Variants in COX11 observed in about 807,000 individuals in gnomAD.
The protein encoded by COX11 is cytochrome c oxidase assembly protein COX11, mitochondrial.
Under a neutral mutation model 29.4 loss-of-function variants are expected in COX11, and 18 were observed. The ratio of observed to expected loss-of-function variants is 0.61; its 90% CI spans 0.42 to 0.91. The LOEUF (loss-of-function observed/expected upper bound fraction) is 0.91, where lower values mean the gene tolerates loss of function less well. Ranked by LOEUF, COX11 falls within the 40% of genes least tolerant of loss-of-function variation. COX11 has a pLI of 0.00. For missense variants in COX11, 312 were observed against 346.0 expected (o/e 0.90, Z 0.78); for synonymous variants, 131 against 124.0 (o/e 1.06, Z -0.38).
downstream of COX11, among the ~76,000 whole-genome samples, chr17:54,958,696 C>T (rs895088914): frequency 7.5e-6 from 1 of 132,570 alleles, no homozygotes; most frequent in African/African-American, 2.8e-5. Flanking sequence ...CACTATTGCA[C>T]TCTAGCGTGG....
At position 54,961,296 on chromosome 17, in the gene COX11, CTG is replaced by C. The variant is rs1188736757; in HGVS notation, c.*1435_*1436del. 11 of 1,551,594 alleles carry C rather than the reference CTG, an allele frequency of 7.1e-6. No homozygotes were observed. The Admixed American group carries it at 7.8e-5, about 11-fold the overall frequency. On this transcript the variant is annotated 3_prime_UTR_variant, in exon 4 of 4. Transcript: ENST00000299335. ...GTGCCAACTCTCTAAAACGTAGACT[CTG>C]TGCAGCTTTGAAGCCTGGAAGACAA...
chr17:54,957,519 G>A (rs1452342035), downstream of COX11: 3 of 152,202 alleles, frequency 2.0e-5, no homozygotes, highest in Non-Finnish European at 4.4e-5. Context: ...CACAGATACT[G>A]GCGGTGGGAG....
chr17:54,968,216 C>T, intron 1 of COX11, 65 bp downstream of exon 1: 1 of 1,560,672 alleles, frequency 6.4e-7, no homozygotes, highest in Non-Finnish European at 8.6e-7. Flanking sequence ...GGGCTTGTCC[C>T]GGGATTTGTC....
At chr17:54,955,408 C>G (rs1010117772), upstream of COX11, among the ~76,000 whole-genome samples, 10 of 152,250 alleles carry the variant, frequency 6.6e-5, no homozygotes, top group African/African-American at 2.2e-4. Context: ...CATTCTGGTT[C>G]CAGGGATCAT....
downstream of COX11, among the ~76,000 whole-genome samples, chr17:54,956,472 A>T (rs371780762): frequency 2.0e-5 from 3 of 151,754 alleles, no homozygotes; most frequent in African/African-American, 7.3e-5. Context: ...CGCCTGGCTA[A>T]TTTTTTTGTA....
chr17:54,967,395 C>G (rs955478595), intron 1 of COX11, among the ~76,000 whole-genome samples: 7 of 152,120 alleles, frequency 4.6e-5, no homozygotes, highest in Non-Finnish European at 8.8e-5. Context: ...ATCCCTGGAA[C>G]GTGTATTTAA....
Position 54,968,652 on chromosome 17 carries a change from T to A in COX11, c.-6A>T. 1.2e-6 allele frequency: 2 copies of A among 1,607,262 alleles called. No individual in the cohort carries two copies. The highest frequency in any genetic ancestry group is 1.7e-6 in the Non-Finnish European group (2 of 1,177,776). On this transcript the variant is annotated 5_prime_UTR_variant, in exon 1 of 4. Transcript: ENST00000299335. Reference sequence around the variant, plus strand: ...GGACGCCAGAGCCCTCCCATAACCCTCTGAACTAACACCCACCCGCCTCTC... The same window carrying A: ...GGACGCCAGAGCCCTCCCATAACCCACTGAACTAACACCCACCCGCCTCTC...
rs2077118174 is a variant in COX11, at chr17:54,961,287, A to C, written c.*1446T>G. 1.9e-6 allele frequency: 3 copies of C among 1,551,532 alleles called. No homozygotes were observed. The highest frequency in any genetic ancestry group is 2.6e-6 in the Non-Finnish European group (3 of 1,146,890). On this transcript the variant is annotated 3_prime_UTR_variant, in exon 4 of 4. Coordinates refer to ENST00000299335, the MANE Select transcript of COX11 (RefSeq NM_004375.5). ...ACATCAAAGGTGCCAACTCTCTAAA[A>C]CGTAGACTCTGTGCAGCTTTGAAGC...
Position 54,961,212 on chromosome 17 carries a change from C to A in COX11, c.*1521G>T. 2.1e-6 allele frequency: 3 copies of A among 1,424,102 alleles called. No individual in the cohort carries two copies. The highest frequency in any genetic ancestry group is 1.9e-6 in the Non-Finnish European group (2 of 1,030,318). The allele number at this position is 1,424,102 out of a possible 1,614,324, so 88.2% of individuals were successfully genotyped here. On this transcript the variant is annotated 3_prime_UTR_variant, in exon 4 of 4. Transcript: ENST00000299335. Reference sequence around the variant, plus strand: ...AAGAGAAGGACAGGATGAATACTGGCCATTTTCTTCTCTTTATTTTAGAAG... The same window carrying A: ...AAGAGAAGGACAGGATGAATACTGGACATTTTCTTCTCTTTATTTTAGAAG...
At chr17:54,956,137 A>G (rs2049490064), downstream of COX11, among the ~76,000 whole-genome samples, 1 of 152,194 alleles carries the variant, frequency 6.6e-6, no homozygotes, top group Admixed American at 6.5e-5. Context: ...ACTCTCCATG[A>G]GAACACAGGT....
At chr17:54,967,943 T>C (rs943002239) in intron 1 of COX11, among the ~76,000 whole-genome samples, 3 of 146,414 alleles carry the variant, frequency 2.0e-5, no homozygotes, top group African/African-American at 7.4e-5. Flanking sequence ...TAAAAGCGTG[T>C]GTGCGCAGGA....
At chr17:54,958,748 A>AAAAAAG (rs372776781), downstream of COX11, among the ~76,000 whole-genome samples, 5,412 of 118,508 alleles carry the variant, frequency 0.046, 513 homozygotes, top group African/African-American at 0.16. Context: ...AAAAAAAAAA[A>AAAAAAG]GGGGTTGTTG....
At chr17:54,956,121 T>TA (rs979863542), downstream of COX11, among the ~76,000 whole-genome samples, 1 of 152,202 alleles carries the variant, frequency 6.6e-6, no homozygotes, top group African/African-American at 2.4e-5. Flanking sequence ...CATCTGGTAA[T>TA]AGACAACTCT....
intron 1 of COX11, 65 bp downstream of exon 1, chr17:54,968,216 C>G: frequency 6.4e-7 from 1 of 1,560,672 alleles, no homozygotes. Flanking sequence ...GGGCTTGTCC[C>G]GGGATTTGTC....
chr17:54,964,690 C>T lies in COX11; in HGVS notation c.522+7G>A, dbSNP rs2144151268. The T allele has an allele frequency of 6.2e-7, 1 of 1,612,468 alleles. No individual in the cohort carries two copies. Among genetic ancestry groups the T allele is most frequent in the South Asian group, 1.1e-5 (1 of 90,898 alleles). ...AGTAATCTTTTAATGACTGGTTAGT[C>T]ACTTACATATATTTCTGTTTGCTGA... On this transcript the variant is annotated splice_region_variant and intron_variant, in intron 2 of 3. Coordinates refer to ENST00000299335, the MANE Select transcript of COX11 (RefSeq NM_004375.5).
At chr17:54,958,698 C>G (rs564426458), downstream of COX11, among the ~76,000 whole-genome samples, 1 of 127,794 alleles carries the variant, frequency 7.8e-6, no homozygotes, top group Admixed American at 9.3e-5. Context: ...CTATTGCACT[C>G]TAGCGTGGGC....
At chr17:54,964,588 T>G (rs1047877917) in intron 2 of COX11, 109 bp downstream of exon 2, 2 of 1,020,836 alleles carry the variant, frequency 2.0e-6, no homozygotes, top group Non-Finnish European at 2.9e-6. Context: ...GAAAATGCCA[T>G]GTTTTATTAG....
At position 54,968,628 on chromosome 17, in the gene COX11, G is replaced by T; in HGVS notation, c.19C>A (p.Pro7Thr). 1.9e-6 allele frequency: 3 copies of T among 1,612,598 alleles called. No individual in the cohort carries two copies. Among genetic ancestry groups the T allele is most frequent in the Non-Finnish European group, 8.5e-7 (1 of 1,179,988 alleles). The stretch of plus-strand genomic sequence containing the variant: ...CAGAAAGGAACGCACCTCCATCCAG[G>T]ACGCCAGAGCCCTCCCATAACCCTC... MGGLWR[P>T]GWRCVPFCGW... The change falls in exon 1 of 4, where the codon CCT becomes ACT. Residue 7 changes from proline to threonine, a missense_variant. By Grantham distance (38) the Pro-to-Thr change is conservative (BLOSUM62 -1). Around this residue, in one of 2 missense-constraint regions of COX11, gnomAD observed 130 missense variants for 106.0 expected, o/e 1.23. Coordinates refer to ENST00000299335, the MANE Select transcript of COX11 (RefSeq NM_004375.5).
chr17:54,956,882 G>A (rs1471641497), downstream of COX11: 2 of 152,242 alleles, frequency 1.3e-5, no homozygotes, highest in Non-Finnish European at 1.5e-5. Context: ...CATGGAAAGG[G>A]GTTGCAGTTG....
Sources: gnomAD v4.1 joint callset for allele counts (sites outside exome capture counted in the v4.1 genomes callset) on GRCh38, gnomAD v4.1.1 for gene constraint, gnomAD v4.1.1 regional missense constraint, MANE v1.5 for transcripts, NCBI Gene and HGNC (gene_info 2026-07-23, HGNC 2026-07-21) for gene names.